DYNC1I1: variants seen among roughly 807,000 people sequenced by gnomAD.
The protein encoded by DYNC1I1 is dynein cytoplasmic 1 intermediate chain 1.
DYNC1I1 carries 43 observed loss-of-function variants against 86.6 expected under a neutral mutation model. That is an observed-to-expected ratio of 0.50 (90% CI 0.39 to 0.64). The LOEUF is 0.64. Among genes scored for constraint, DYNC1I1 ranks in the 30% least tolerant of loss-of-function variants. The pLI, the probability that DYNC1I1 is intolerant of heterozygous loss-of-function variation, is 0.00. For synonymous variants in DYNC1I1, 262 were observed against 283.7 expected (o/e 0.92, Z 0.77); for missense variants, 604 against 788.8 (o/e 0.77, Z 2.81).
chr7:95,785,546 A>G (rs1025775843), intron 1 of DYNC1I1, among the ~76,000 whole-genome samples: 1 of 151,868 alleles, frequency 6.6e-6, no homozygotes, highest in Non-Finnish European at 1.5e-5. Context: ...TAATCTCCTA[A>G]TGTACTCTGA....
At chr7:96,076,953 T>C (rs1790358662) in intron 15 of DYNC1I1, among the ~76,000 whole-genome samples, 1 of 152,224 alleles carries the variant, frequency 6.6e-6, no homozygotes, top group Non-Finnish European at 1.5e-5. Context: ...CTAGCAAAAT[T>C]ACTGAGTTGC....
chr7:95,965,311 C>T lies in DYNC1I1; in HGVS notation c.491-12201C>T, dbSNP rs1873037. Reference sequence around the variant, plus strand: ...ACCTCCAAACCCATTAATATATCTTCATCCTTCACAGCCTAGTTCAGGCAG... The same window carrying T: ...ACCTCCAAACCCATTAATATATCTTTATCCTTCACAGCCTAGTTCAGGCAG... On this transcript the variant is annotated intron_variant, in intron 6 of 16. Transcript: ENST00000447467. Among the ~76,000 whole-genome samples the T allele has an allele frequency of 9.3e-3, 1,421 of 152,314 alleles. 22 individuals carry two copies. The highest frequency in any genetic ancestry group is 0.032 in the African/African-American group (1,324 of 41,580).
chr7:95,871,063 AT>A (rs1342733131), intron 6 of DYNC1I1, among the ~76,000 whole-genome samples: 1 of 152,198 alleles, frequency 6.6e-6, no homozygotes, highest in African/African-American at 2.4e-5. Flanking sequence ...AAATCAGTGC[AT>A]TTTTGTTTAT....
intron 5 of DYNC1I1, among the ~76,000 whole-genome samples, chr7:95,843,545 A>G (rs1789346113): frequency 6.6e-6 from 1 of 152,182 alleles, no homozygotes; most frequent in Non-Finnish European, 1.5e-5. Flanking sequence ...TCAGCATTAC[A>G]TATTTTAAAT....
intron 4 of DYNC1I1, among the ~76,000 whole-genome samples, chr7:95,821,530 A>G (rs4729209): frequency 6.6e-6 from 1 of 151,936 alleles, no homozygotes; most frequent in Non-Finnish European, 1.5e-5. Context: ...AAGAAATAAG[A>G]TTTTCAGGGC....
At chr7:95,921,685 G>A (rs1791614542) in intron 6 of DYNC1I1, among the ~76,000 whole-genome samples, 1 of 152,106 alleles carries the variant, frequency 6.6e-6, no homozygotes, top group Non-Finnish European at 1.5e-5. Flanking sequence ...CCACATTTAT[G>A]AGCGTGTTGA....
chr7:95,797,515 C>A (rs831085), intron 1 of DYNC1I1, among the ~76,000 whole-genome samples: 1 of 152,176 alleles, frequency 6.6e-6, no homozygotes, highest in Non-Finnish European at 1.5e-5. Flanking sequence ...TTTGGAAGGT[C>A]TGCATGATTT....
chr7:96,110,224 T>C (rs1791292615), downstream of DYNC1I1: 4 of 262,564 alleles, frequency 1.5e-5, no homozygotes, highest in Middle Eastern at 1.3e-3. Flanking sequence ...TGCCTACATA[T>C]TGAGGATTTC....
At position 95,869,997 on chromosome 7, in the gene DYNC1I1, A is replaced by G. The variant is rs761170308; in HGVS notation, c.489A>G (p.Glu163=). Residue 163 remains glutamate, a splice_region_variant and synonymous_variant, in exon 6 of 17, where the codon GAA becomes GAG. Coordinates refer to ENST00000447467, the MANE Select transcript of DYNC1I1 (RefSeq NM_001135556.2). ...CTCCTCTTGCCACGCATCAGTCTGAAGGTAAACTATGTCTTTGGCTTACTT... is the reference window on the plus strand; with the variant it reads ...CTCCTCTTGCCACGCATCAGTCTGAGGGTAAACTATGTCTTTGGCTTACTT... The part of the protein sequence containing the change: ...TQTPLATHQS[E]EDEEDEEMVE... 3 of 1,610,200 alleles carry G rather than the reference A, an allele frequency of 1.9e-6. No homozygotes were observed. The highest frequency in any genetic ancestry group is 2.5e-6 in the Non-Finnish European group (3 of 1,178,670).
At chr7:95,956,946 C>T (rs1792733264) in intron 6 of DYNC1I1, among the ~76,000 whole-genome samples, 1 of 152,154 alleles carries the variant, frequency 6.6e-6, no homozygotes, top group Non-Finnish European at 1.5e-5. Flanking sequence ...AACACGATAC[C>T]AAATCACTGC....
intron 5 of DYNC1I1, 148 bp from the exon 6 acceptor site, chr7:95,869,735 A>C: frequency 1.3e-6 from 1 of 774,032 alleles, no homozygotes; most frequent in Non-Finnish European, 2.1e-6. Flanking sequence ...TCCAGCCCAG[A>C]GCCAGTTCTG....
Position 96,108,668 on chromosome 7 carries a change from C to T in DYNC1I1, c.1543-1311C>T, listed in dbSNP as rs192541650. On this transcript the variant is annotated intron_variant, in intron 16 of 16. Coordinates refer to the DYNC1I1 transcript ENST00000537881. Reference sequence around the variant, plus strand: ...CACGAGGTCAGGAGTTCAAGACCAGCCTGGCCAAGATGGTAAAACCCCGTC... The same window carrying T: ...CACGAGGTCAGGAGTTCAAGACCAGTCTGGCCAAGATGGTAAAACCCCGTC... 2.7e-3 allele frequency among the ~76,000 whole-genome samples: 413 copies of T among 151,956 alleles called. 3 individuals carry two copies. The highest frequency in any genetic ancestry group is 3.8e-3 in the Non-Finnish European group (261 of 67,952).
intron 6 of DYNC1I1, among the ~76,000 whole-genome samples, chr7:95,964,572 A>G (rs1196984875): frequency 6.6e-6 from 1 of 152,220 alleles, no homozygotes; most frequent in Non-Finnish European, 1.5e-5. Flanking sequence ...AGTCTTTGCT[A>G]TTGTGGAATT....
chr7:95,939,122 A>C (rs556040142), intron 6 of DYNC1I1, among the ~76,000 whole-genome samples: 3 of 152,152 alleles, frequency 2.0e-5, no homozygotes, highest in Non-Finnish European at 4.4e-5. Flanking sequence ...TGAGTTTCTT[A>C]ATCCTGAGTT....
intron 15 of DYNC1I1, 34 bp from the exon 16 acceptor site, chr7:96,080,328 GA>G: frequency 2.6e-6 from 4 of 1,535,246 alleles, no homozygotes; most frequent in Non-Finnish European, 3.5e-6. Context: ...TTCATATTCA[GA>G]GATTCTTTTA....
chr7:95,979,928 T>C (rs1793409878), intron 7 of DYNC1I1, among the ~76,000 whole-genome samples: 1 of 152,112 alleles, frequency 6.6e-6, no homozygotes, highest in Admixed American at 6.6e-5. Context: ...AGGTACAAAA[T>C]AAGTCAGGAT....
chr7:95,862,650 C>T (rs1300130663), intron 5 of DYNC1I1, among the ~76,000 whole-genome samples: 2 of 152,110 alleles, frequency 1.3e-5, no homozygotes, highest in Admixed American at 6.5e-5. Context: ...GACAGGTCCT[C>T]AAAAAGTTAA....
intron 6 of DYNC1I1, among the ~76,000 whole-genome samples, chr7:95,953,965 A>G (rs894869155): frequency 1.3e-5 from 2 of 152,092 alleles, no homozygotes; most frequent in Non-Finnish European, 2.9e-5. Context: ...AGAGAAACAG[A>G]GATCTCATTA....
chr7:96,045,665 G>A (rs1789188464), intron 14 of DYNC1I1, among the ~76,000 whole-genome samples: 1 of 152,144 alleles, frequency 6.6e-6, no homozygotes, highest in Non-Finnish European at 1.5e-5. Flanking sequence ...GGCAGAAGAG[G>A]TGGTGAGGTT....
Sources: allele counts gnomAD v4.1 joint callset (sites outside exome capture counted in the v4.1 genomes callset), GRCh38; gene constraint gnomAD v4.1.1; transcripts MANE v1.5; gene names NCBI Gene and HGNC (gene_info 2026-07-23, HGNC 2026-07-21).